PTPRE: variants seen among roughly 807,000 people sequenced by gnomAD.
PTPRE encodes protein tyrosine phosphatase receptor type E.
In PTPRE, 51 loss-of-function variants were observed where a neutral mutation model predicts 102.0. The ratio of observed to expected loss-of-function variants is 0.50; its 90% CI spans 0.40 to 0.63. The LOEUF (loss-of-function observed/expected upper bound fraction) is 0.63, where lower values mean the gene tolerates loss of function less well. Ranked by LOEUF, PTPRE falls within the 30% of genes least tolerant of loss-of-function variation. The probability of loss-of-function intolerance (pLI) is 0.00; values close to 1 mark genes in which losing one functional copy is unlikely to be tolerated. For missense variants in PTPRE, 752 were observed against 915.1 expected (o/e 0.82, Z 2.30); for synonymous variants, 345 against 348.2 (o/e 0.99, Z 0.10).
At chr10:128,057,095 T>C (rs1849044357) in intron 7 of PTPRE, among the ~76,000 whole-genome samples, 1 of 151,794 alleles carries the variant, frequency 6.6e-6, no homozygotes, top group Admixed American at 6.6e-5. Flanking sequence ...TGGACGCCTG[T>C]AATTCCAGCT....
chr10:128,018,974 G>A (rs571375314), intron 2 of PTPRE, among the ~76,000 whole-genome samples: 13 of 152,340 alleles, frequency 8.5e-5, no homozygotes, highest in African/African-American at 3.1e-4. Context: ...CACTGCACCA[G>A]GGAAACACCA....
At chr10:127,961,526 C>A (rs1397948167) in intron 1 of PTPRE, among the ~76,000 whole-genome samples, 1 of 152,118 alleles carries the variant, frequency 6.6e-6, no homozygotes, top group Admixed American at 6.5e-5. Context: ...CCTGGGGTGG[C>A]CTGGAACTTG....
At chr10:128,030,356 A>C (rs1208454685) in intron 2 of PTPRE, among the ~76,000 whole-genome samples, 1 of 152,094 alleles carries the variant, frequency 6.6e-6, no homozygotes. Flanking sequence ...AGAGAGGTTA[A>C]GTGTTCTGGA....
intron 1 of PTPRE, among the ~76,000 whole-genome samples, chr10:127,941,074 A>G (rs547189054): frequency 7.2e-5 from 11 of 152,288 alleles, no homozygotes; most frequent in Admixed American, 6.5e-4. Flanking sequence ...TGTCCTGGAG[A>G]ATGATGTGCT....
In PTPRE at chr10:127,930,919, C is replaced by T. The variant is rs565578157; in HGVS notation, c.-31+23610C>T. On this transcript the variant is annotated intron_variant, in intron 1 of 20. Transcript: ENST00000254667. ...GCGATTCTCCTGCCTCAGCCTCCCA[C>T]GTAGCTGGGATTACGAGCGCGTGCC... Among the ~76,000 whole-genome samples the T allele has an allele frequency of 9.2e-5, 14 of 151,858 alleles. No homozygotes were observed. The South Asian group carries it at 1.2e-3, about 14-fold the overall frequency.
chr10:128,061,145 A>G, intron 8 of PTPRE, 130 bp downstream of exon 8: 1 of 803,838 alleles, frequency 1.2e-6, no homozygotes, highest in South Asian at 1.6e-5. Flanking sequence ...CACAAAGGGT[A>G]CGGAACTGCC....
At chr10:127,924,501 CCACAGG>C (rs1267161551) in intron 1 of PTPRE, among the ~76,000 whole-genome samples, 2 of 152,142 alleles carry the variant, frequency 1.3e-5, no homozygotes, top group Non-Finnish European at 2.9e-5. Flanking sequence ...AGTGCTAGGA[CCACAGG>C]CATGAGCCAC....
intron 2 of PTPRE, among the ~76,000 whole-genome samples, chr10:128,024,736 C>A (rs1405195315): frequency 2.6e-5 from 4 of 152,142 alleles, no homozygotes; most frequent in African/African-American, 9.7e-5. Flanking sequence ...AGGCAGGGAG[C>A]CCCAGGAGGA....
At chr10:128,039,492 AG>A (rs1367510559) in intron 2 of PTPRE, among the ~76,000 whole-genome samples, 1 of 152,268 alleles carries the variant, frequency 6.6e-6, no homozygotes, top group Non-Finnish European at 1.5e-5. Context: ...AAAAGAGGGA[AG>A]AAGTAAAAGT....
chr10:127,993,387 C>T (rs559977496), intron 2 of PTPRE, among the ~76,000 whole-genome samples: 5 of 152,262 alleles, frequency 3.3e-5, no homozygotes, highest in East Asian at 3.9e-4. Flanking sequence ...GAAGCTAATG[C>T]GTGGTGGGGC....
chr10:128,049,654 G>A lies in PTPRE; in HGVS notation c.408G>A (p.Arg136=). ...IRSADDCKQF[R]EEFNSLPSGH... ...CCGCCGACGACTGCAAGCAGTTTCGGGAGGAGTTCAACGTGAGTGTGGGGA... is the reference window on the plus strand; with the variant it reads ...CCGCCGACGACTGCAAGCAGTTTCGAGAGGAGTTCAACGTGAGTGTGGGGA... Residue 136 remains arginine, a synonymous_variant, in exon 6 of 21, where the codon CGG becomes CGA. Transcript: ENST00000254667. 1 of 1,613,854 alleles carries A rather than the reference G, an allele frequency of 6.2e-7. No homozygotes were observed.
At position 128,070,037 on chromosome 10, in the gene PTPRE, T is replaced by G; in HGVS notation, c.1143+210T>G. 1.3e-6 allele frequency: 1 copy of G among 749,792 alleles called. No individual in the cohort carries two copies. The highest frequency in any genetic ancestry group is 2.7e-5 in the East Asian group (1 of 37,012). The allele number at this position is 749,792 out of a possible 1,614,324, so 46.4% of individuals were successfully genotyped here. ...CTTTCCCTCGTATCCTCATGTGAGATGGGGCAATCCTACTCCCCCAAACGG... is the reference window on the plus strand; with the variant it reads ...CTTTCCCTCGTATCCTCATGTGAGAGGGGGCAATCCTACTCCCCCAAACGG... On this transcript the variant is annotated intron_variant, in intron 13 of 20. Transcript: ENST00000254667. The surrounding 1 kb of genome is among the most constrained non-coding windows in gnomAD (Gnocchi z 4.8).
chr10:127,945,542 C>A (rs1848564437), intron 1 of PTPRE, among the ~76,000 whole-genome samples: 1 of 152,230 alleles, frequency 6.6e-6, no homozygotes, highest in African/African-American at 2.4e-5. Context: ...GCGTGTGTCA[C>A]CTTCCTCTAC....
intron 2 of PTPRE, among the ~76,000 whole-genome samples, chr10:128,002,631 C>G (rs11016008): frequency 7.2e-6 from 1 of 139,306 alleles, no homozygotes; most frequent in Admixed American, 7.4e-5. Flanking sequence ...TGAAAATGAT[C>G]TGATGAATGA....
chr10:128,019,353 G>A (rs1330497266), intron 2 of PTPRE, among the ~76,000 whole-genome samples: 5 of 152,110 alleles, frequency 3.3e-5, no homozygotes, highest in African/African-American at 4.8e-5. Flanking sequence ...GTAGGCTGAC[G>A]CCCGGCACTC....
chr10:128,059,130 T>C (rs180978633), intron 7 of PTPRE, among the ~76,000 whole-genome samples: 23 of 152,350 alleles, frequency 1.5e-4, no homozygotes, highest in Admixed American at 5.9e-4. Context: ...GAAGGCTATA[T>C]TTTACCCTGT....
intron 1 of PTPRE, among the ~76,000 whole-genome samples, chr10:127,962,725 G>A (rs1250509398): frequency 1.3e-5 from 2 of 152,242 alleles, no homozygotes; most frequent in African/African-American, 4.8e-5. Context: ...AGACAGGTTG[G>A]ATTGTTATGG....
chr10:128,008,928 G>A lies in PTPRE; in HGVS notation c.-8+26632G>A, dbSNP rs570971199. On this transcript the variant is annotated intron_variant, in intron 2 of 20. Coordinates refer to ENST00000254667, the MANE Select transcript of PTPRE (RefSeq NM_006504.6). The surrounding 1 kb of genome is among the most constrained non-coding windows in gnomAD (Gnocchi z 4.0). The stretch of plus-strand genomic sequence containing the variant: ...CCCAGAAGTGACAGAGAGACAGAGA[G>A]AGGAGTCTCTGGTCTGGCTGGGGCT... Among the ~76,000 whole-genome samples the A allele has an allele frequency of 6.6e-6, 1 of 152,362 alleles. No individual in the cohort carries two copies. The highest frequency in any genetic ancestry group is 1.9e-4 in the East Asian group (1 of 5,190).
At chr10:127,989,001 A>T (rs1406571804) in intron 2 of PTPRE, among the ~76,000 whole-genome samples, 3 of 152,184 alleles carry the variant, frequency 2.0e-5, no homozygotes, top group South Asian at 4.1e-4. Context: ...AAAAAAACGA[A>T]AACTGGATTT....
Sources: allele counts gnomAD v4.1 joint callset (sites outside exome capture counted in the v4.1 genomes callset), GRCh38; gene constraint gnomAD v4.1.1; non-coding constraint Gnocchi (gnomAD v3.1); transcripts MANE v1.5; gene names NCBI Gene and HGNC (gene_info 2026-07-23, HGNC 2026-07-21).